The following HS6ST3 variants were observed in gnomAD, a reference collection of about 807,000 sequenced individuals.
HS6ST3 encodes heparan-sulfate 6-O-sulfotransferase 3.
A neutral mutation model predicts 36.7 loss-of-function variants in HS6ST3; 12 were observed. The ratio of observed to expected loss-of-function variants is 0.33; its 90% CI spans 0.21 to 0.53. The LOEUF is 0.53. Among genes scored for constraint, HS6ST3 ranks in the 20% least tolerant of loss-of-function variants. The pLI is 0.95. For synonymous variants in HS6ST3, 240 were observed against 257.5 expected (o/e 0.93, Z 0.65); for missense variants, 584 against 640.9 (o/e 0.91, Z 0.96).
intron 1 of HS6ST3, among the ~76,000 whole-genome samples, chr13:96,710,188 C>T (rs959289397): frequency 6.6e-6 from 1 of 152,196 alleles, no homozygotes; most frequent in Non-Finnish European, 1.5e-5. Flanking sequence ...ATGTGTAACT[C>T]AGGATTTTGA....
intron 1 of HS6ST3, among the ~76,000 whole-genome samples, chr13:96,474,927 G>A (rs4111147): frequency 0.3 from 46,248 of 152,080 alleles, 7,653 homozygotes; most frequent in South Asian, 0.45. Context: ...GTGCTGAGAG[G>A]AGAACTCAAA....
chr13:96,661,723 T>C (rs1419656259), intron 1 of HS6ST3, among the ~76,000 whole-genome samples: 3 of 152,176 alleles, frequency 2.0e-5, no homozygotes, highest in African/African-American at 4.8e-5. Context: ...GTTTTTATGA[T>C]GGTGAGTTTT....
chr13:96,676,412 C>T lies in HS6ST3; in HGVS notation c.708-156078C>T, dbSNP rs200024451. 4.6e-5 allele frequency among the ~76,000 whole-genome samples: 7 copies of T among 152,176 alleles called. No homozygotes were observed. In the East Asian group the frequency reaches 9.7e-4, roughly 21 times the overall value. On this transcript the variant is annotated intron_variant, in intron 1 of 1. Transcript: ENST00000376705. ...GGGCAGAGCCACTTGAACCAGAAGT[C>T]GAATCTCAGGGTGAAAACACCATCA...
chr13:96,790,411 G>A (rs1877758939), intron 1 of HS6ST3, among the ~76,000 whole-genome samples: 1 of 151,748 alleles, frequency 6.6e-6, no homozygotes, highest in East Asian at 1.9e-4. Context: ...CGTAAAATTA[G>A]GAAGTCATAA....
chr13:96,607,067 C>T (rs1190713419), intron 1 of HS6ST3, among the ~76,000 whole-genome samples: 1 of 152,126 alleles, frequency 6.6e-6, no homozygotes, highest in Non-Finnish European at 1.5e-5. Flanking sequence ...AAAAGCTTTT[C>T]TAAGTAAAAT....
intron 1 of HS6ST3, among the ~76,000 whole-genome samples, chr13:96,754,041 A>T (rs1175096029): frequency 6.6e-6 from 1 of 151,786 alleles, no homozygotes; most frequent in African/African-American, 2.4e-5. Context: ...CTGATCTCGA[A>T]CTCCTGACCT....
intron 1 of HS6ST3, among the ~76,000 whole-genome samples, chr13:96,458,081 C>G (rs4111145): frequency 0.62 from 93,754 of 151,810 alleles, 32,125 homozygotes; most frequent in South Asian, 0.79. Context: ...GCCTACTAAC[C>G]TGTAGTATCT....
In HS6ST3 at chr13:96,518,662, G is replaced by A. The variant is rs564870040; in HGVS notation, c.708-313828G>A. Among the ~76,000 whole-genome samples the A allele has an allele frequency of 2.0e-5, 3 of 152,162 alleles. No individual in the cohort carries two copies. The South Asian group carries it at 6.2e-4, about 32-fold the overall frequency. On this transcript the variant is annotated intron_variant, in intron 1 of 1. Coordinates refer to ENST00000376705, the MANE Select transcript of HS6ST3 (RefSeq NM_153456.4). ...TAATTATATGTGCTATATTTTTATAGATTCAAAGAGTACATTTGCAGGTTT... is the reference window on the plus strand; with the variant it reads ...TAATTATATGTGCTATATTTTTATAAATTCAAAGAGTACATTTGCAGGTTT...
At chr13:96,374,310 G>A (rs191283142) in intron 1 of HS6ST3, among the ~76,000 whole-genome samples, 47 of 152,234 alleles carry the variant, frequency 3.1e-4, no homozygotes, top group African/African-American at 1.1e-3. Context: ...ATTTTTTGAA[G>A]TTATTTTTAA....
intron 1 of HS6ST3, among the ~76,000 whole-genome samples, chr13:96,700,993 C>T (rs760302454): frequency 1.3e-5 from 2 of 152,142 alleles, no homozygotes; most frequent in Non-Finnish European, 1.5e-5. Context: ...TGAAGATTCA[C>T]CTCATAGAAT....
At chr13:96,103,612 G>A (rs925637752) in intron 1 of HS6ST3, among the ~76,000 whole-genome samples, 2 of 152,100 alleles carry the variant, frequency 1.3e-5, no homozygotes, top group Admixed American at 1.3e-4. Context: ...AAGGCACTTC[G>A]TAAATTATAC....
Position 96,653,766 on chromosome 13 carries a change from TC to T in HS6ST3, c.708-178722del, listed in dbSNP as rs1269577490. 3.3e-5 allele frequency among the ~76,000 whole-genome samples: 5 copies of T among 152,310 alleles called. No homozygotes were observed. In the East Asian group the frequency reaches 7.7e-4, roughly 24 times the overall value. ...GTCAAATGGTATTTCTGGTTCTAGA[TC>T]CTTAAGGAATCGCCACACTGTCTAC... On this transcript the variant is annotated intron_variant, in intron 1 of 1. Transcript: ENST00000376705.
chr13:96,680,846 G>T (rs1220936440), intron 1 of HS6ST3, among the ~76,000 whole-genome samples: 1 of 152,188 alleles, frequency 6.6e-6, no homozygotes, highest in Non-Finnish European at 1.5e-5. Flanking sequence ...AAATATTGGG[G>T]AGGCATTAGG....
intron 1 of HS6ST3, among the ~76,000 whole-genome samples, chr13:96,468,954 T>C (rs930750214): frequency 6.6e-6 from 1 of 152,230 alleles, no homozygotes; most frequent in Non-Finnish European, 1.5e-5. Context: ...TCCTCTTGTT[T>C]ATTCATGTCT....
intron 1 of HS6ST3, among the ~76,000 whole-genome samples, chr13:96,577,059 C>A (rs1025642107): frequency 6.6e-6 from 1 of 150,402 alleles, no homozygotes; most frequent in Non-Finnish European, 1.5e-5. Flanking sequence ...GATACATGTG[C>A]AGAACATGCA....
intron 1 of HS6ST3, among the ~76,000 whole-genome samples, chr13:96,803,463 AG>A (rs1333458588): frequency 6.6e-6 from 1 of 152,168 alleles, no homozygotes; most frequent in Non-Finnish European, 1.5e-5. Flanking sequence ...GGAAGGGACT[AG>A]GGTATTGTTA....
chr13:96,420,663 T>G (rs1348482155), intron 1 of HS6ST3, among the ~76,000 whole-genome samples: 3 of 152,226 alleles, frequency 2.0e-5, no homozygotes, highest in African/African-American at 7.2e-5. Flanking sequence ...CCTTTTTACA[T>G]CATTTTCTGT....
intron 1 of HS6ST3, among the ~76,000 whole-genome samples, chr13:96,430,180 T>G (rs2055607818): frequency 6.6e-6 from 1 of 152,238 alleles, no homozygotes; most frequent in South Asian, 2.1e-4. Flanking sequence ...ATCCACAGTC[T>G]TTCGATTTTC....
chr13:96,484,505 C>T (rs1027300421), intron 1 of HS6ST3, among the ~76,000 whole-genome samples: 2 of 152,162 alleles, frequency 1.3e-5, no homozygotes, highest in African/African-American at 2.4e-5. Flanking sequence ...CAAAATCTCT[C>T]CATTTATCCT....
Sources: allele counts gnomAD v4.1 joint callset (sites outside exome capture counted in the v4.1 genomes callset), GRCh38; gene constraint gnomAD v4.1.1; transcripts MANE v1.5; gene names NCBI Gene and HGNC (gene_info 2026-07-23, HGNC 2026-07-21).